USP25: variants seen among roughly 807,000 people sequenced by gnomAD.
USP25 encodes ubiquitin carboxyl-terminal hydrolase 25.
Under a neutral mutation model 158.5 loss-of-function variants are expected in USP25, and 85 were observed. The observed-to-expected ratio is 0.54, with a 90% CI of 0.45 to 0.64. The LOEUF (loss-of-function observed/expected upper bound fraction) is 0.64. Among genes scored for constraint, USP25 ranks in the 30% least tolerant of loss-of-function variants. The pLI is 0.00. For synonymous variants in USP25, 464 were observed against 460.4 expected (o/e 1.01, Z -0.10); for missense variants, 1,242 against 1,327.3 (o/e 0.94, Z 1.00).
At chr21:15,788,764 C>T (rs2823492) in intron 4 of USP25, among the ~76,000 whole-genome samples, 5,494 of 152,068 alleles carry the variant, frequency 0.036, 173 homozygotes, top group Admixed American at 0.093. Flanking sequence ...TTGTGATAAA[C>T]CCATTTCTTT....
intron 1 of USP25, among the ~76,000 whole-genome samples, chr21:15,732,148 T>A (rs559662652): frequency 1.5e-4 from 23 of 152,362 alleles, no homozygotes; most frequent in South Asian, 1.2e-3. Context: ...TCCAATTTCC[T>A]ACTTTAATGA....
intron 21 of USP25, among the ~76,000 whole-genome samples, chr21:15,864,890 C>T (rs935361695): frequency 2.6e-5 from 4 of 152,104 alleles, no homozygotes; most frequent in African/African-American, 9.7e-5. Context: ...TGCCAAATAA[C>T]TCCTAGGGGA....
chr21:15,779,620 C>T (rs980026760), intron 4 of USP25, among the ~76,000 whole-genome samples: 2 of 151,670 alleles, frequency 1.3e-5, no homozygotes, highest in African/African-American at 2.4e-5. Flanking sequence ...GGGATGAAGG[C>T]TGTTCCTAAT....
rs1334800091 is a variant in USP25, at chr21:15,833,518, T to C, written c.2164T>C (p.Leu722=). The change falls in exon 17 of 26, where the codon TTG becomes CTG. Residue 722 remains leucine (L), a synonymous_variant. Coordinates refer to ENST00000400183, the MANE Select transcript of USP25 (RefSeq NM_001283041.3). ...GGAAAAGCTTTTAGCGTCTCAGAAA[T>C]TGAGAGAGTCAGAGACTTCTGTGAC... The part of the protein sequence containing the change: ...LQEKLLASQK[L]RESETSVTTA... The C allele has an allele frequency of 3.7e-6, 6 of 1,613,876 alleles. No individual in the cohort carries two copies. Among genetic ancestry groups the C allele is most frequent in the Non-Finnish European group, 5.1e-6 (6 of 1,179,972 alleles).
At chr21:15,842,251 C>A in intron 17 of USP25, 147 bp from the exon 18 acceptor site, 1 of 724,818 alleles carries the variant, frequency 1.4e-6, no homozygotes, top group Non-Finnish European at 2.1e-6. Flanking sequence ...GGAAGAAGTG[C>A]TATACGTGGA....
At chr21:15,738,832 GTTAT>G (rs2031765767) in intron 1 of USP25, among the ~76,000 whole-genome samples, 2 of 152,286 alleles carry the variant, frequency 1.3e-5, no homozygotes, top group Admixed American at 1.3e-4. Context: ...GACCTAATCA[GTTAT>G]GTTATCTATA....
intron 1 of USP25, among the ~76,000 whole-genome samples, chr21:15,730,788 C>T (rs996904154): frequency 6.6e-6 from 1 of 152,144 alleles, no homozygotes; most frequent in Non-Finnish European, 1.5e-5. Context: ...TAGTTGTCAT[C>T]CTTTCTGAAC....
chr21:15,730,177 G>T lies in USP25; in HGVS notation c.-217G>T. The T allele has an allele frequency of 1.1e-5, 3 of 268,110 alleles. No homozygotes were observed. The highest frequency in any genetic ancestry group is 1.7e-5 in the Non-Finnish European group (3 of 174,844). The allele number at this position is 268,110 out of a possible 1,614,324, so 16.6% of individuals were successfully genotyped here. A position where few individuals can be genotyped will look rare whatever the true frequency, so the allele number is the denominator to read the frequency against. ...GAGGCGGGCCGCGTGGAGACGTGAG[G>T]CGGCCGCCGTGGCCCTCACAGTCGG... On this transcript the variant is annotated 5_prime_UTR_variant, in exon 1 of 26. Coordinates refer to ENST00000400183, the MANE Select transcript of USP25 (RefSeq NM_001283041.3).
intron 3 of USP25, among the ~76,000 whole-genome samples, chr21:15,771,703 C>T (rs1353373963): frequency 1.3e-5 from 2 of 149,676 alleles, no homozygotes; most frequent in Non-Finnish European, 3.0e-5. Context: ...CTTTTAATAG[C>T]TCTTCTGTCA....
chr21:15,846,006 A>G (rs988545242), intron 18 of USP25, among the ~76,000 whole-genome samples: 2 of 151,088 alleles, frequency 1.3e-5, no homozygotes, highest in East Asian at 3.9e-4. Context: ...GCTTAGCTGC[A>G]TATTATCTCT....
rs568709148 is a variant in USP25, at chr21:15,817,939, A to G, written c.932-759A>G. 1.9e-4 allele frequency among the ~76,000 whole-genome samples: 29 copies of G among 152,320 alleles called. No homozygotes were observed. The South Asian group carries it at 5.8e-3, about 30-fold the overall frequency. ...TGTGGTGGGGAAAAAAATTCTTAATAGGACCACAAGACCTTGTAGATTTTA... is the reference window on the plus strand; with the variant it reads ...TGTGGTGGGGAAAAAAATTCTTAATGGGACCACAAGACCTTGTAGATTTTA... On this transcript the variant is annotated intron_variant, in intron 9 of 25. Transcript: ENST00000400183.
Position 15,827,027 on chromosome 21 carries a change from C to T in USP25, c.1517C>T (p.Pro506Leu), listed in dbSNP as rs200026676. Residue 506 changes from proline to leucine, a missense_variant, in exon 14 of 26, where the codon CCT becomes CTT. Transcript: ENST00000400183. Reference sequence around the variant, plus strand: ...TCTTCAGAACTGCCAAGCACATCACCTTCATCAGTTGCTGCCATTTCATCG... The same window carrying T: ...TCTTCAGAACTGCCAAGCACATCACTTTCATCAGTTGCTGCCATTTCATCG... ...ALSSELPSTS[P>L]SSVAAISSRS... 3.1e-6 allele frequency: 5 copies of T among 1,614,148 alleles called. No homozygotes were observed. The Admixed American group carries it at 5.0e-5, about 16-fold the overall frequency.
rs2034319916 is a variant in USP25, at chr21:15,771,007, T to TA, written c.268+4867dup. ...GAAAAAATTTTGAATATATAAAAGATATGTTCTCATCTTCTAATTAGTGCC... is the reference window on the plus strand; with the variant it reads ...GAAAAAATTTTGAATATATAAAAGATAATGTTCTCATCTTCTAATTAGTGCC... On this transcript the variant is annotated intron_variant, in intron 3 of 25. Coordinates refer to ENST00000400183, the MANE Select transcript of USP25 (RefSeq NM_001283041.3). 1.3e-5 allele frequency among the ~76,000 whole-genome samples: 2 copies of TA among 152,222 alleles called. 1 individual carries two copies. The highest frequency in any genetic ancestry group is 4.1e-4 in the South Asian group (2 of 4,834).
rs2037485171 is a variant in USP25 at position 15,826,048 on chromosome 21, G to A, written c.1305-156G>A. Among the ~76,000 whole-genome samples, 1 of 152,056 alleles carries A rather than the reference G, an allele frequency of 6.6e-6. No individual in the cohort carries two copies. Among genetic ancestry groups the A allele is most frequent in the Admixed American group, 6.6e-5 (1 of 15,266 alleles). ...GGGGAACTTTTAATGTTTTTCTTAA[G>A]TGTATATTCAGTTTTACCATCTTCG... On this transcript the variant is annotated intron_variant, in intron 12 of 25. Transcript: ENST00000400183. This position sits in a 1 kb window ranked among gnomAD's most constrained non-coding sequence, Gnocchi z 4.8.
At chr21:15,787,900 T>TCCCCCCCCCC (rs1318568088) in intron 4 of USP25, among the ~76,000 whole-genome samples, 1 of 69,838 alleles carries the variant, frequency 1.4e-5, no homozygotes, top group Non-Finnish European at 2.9e-5. Context: ...TAACACCCCC[T>TCCCCCCCCCC]CACCCCCCCC....
In USP25 at chr21:15,811,218, T is replaced by TA; in HGVS notation, c.931+9dup. On this transcript the variant is annotated intron_variant, in intron 9 of 25. Coordinates refer to ENST00000400183, the MANE Select transcript of USP25 (RefSeq NM_001283041.3). ...CTGTGGGAGTACTTGAAGGTAGAGT[T>TA]ATACATTTACTTTTTATTGCAAGTG... 6.2e-7 allele frequency: 1 copy of TA among 1,604,328 alleles called. No individual in the cohort carries two copies. Among genetic ancestry groups the TA allele is most frequent in the Non-Finnish European group, 8.5e-7 (1 of 1,175,886 alleles).
At chr21:15,780,230 A>G (rs73892534) in intron 4 of USP25, among the ~76,000 whole-genome samples, 1 of 152,196 alleles carries the variant, frequency 6.6e-6, no homozygotes, top group Non-Finnish European at 1.5e-5. Flanking sequence ...TTAGGATACT[A>G]CATTGTGTGT....
chr21:15,832,899 T>C (rs929778181), intron 16 of USP25, among the ~76,000 whole-genome samples: 1 of 152,024 alleles, frequency 6.6e-6, no homozygotes. Context: ...GCACCTGTAG[T>C]CTCAGCTACC....
intron 20 of USP25, among the ~76,000 whole-genome samples, chr21:15,859,116 T>C (rs2039294491): frequency 6.7e-6 from 1 of 149,260 alleles, no homozygotes; most frequent in South Asian, 2.1e-4. Context: ...CAATTTTGGA[T>C]ATACAAATTA....
Sources: allele counts gnomAD v4.1 joint callset (sites outside exome capture counted in the v4.1 genomes callset), GRCh38; gene constraint gnomAD v4.1.1; non-coding constraint Gnocchi (gnomAD v3.1); transcripts MANE v1.5; gene names NCBI Gene and HGNC (gene_info 2026-07-23, HGNC 2026-07-21).